The following FOXP1 variants were observed in gnomAD, a reference collection of about 807,000 sequenced individuals.
The protein encoded by FOXP1 is forkhead box P1, also known as forkhead box protein P1.
In FOXP1, 15 loss-of-function variants were observed where a neutral mutation model predicts 98.2. The ratio of observed to expected loss-of-function variants is 0.15; its 90% CI spans 0.10 to 0.24. The LOEUF (loss-of-function observed/expected upper bound fraction) is 0.24, where lower values mean the gene tolerates loss of function less well. FOXP1 is among the 10% of genes least tolerant of loss of function. FOXP1 has a pLI of 1.00. For missense variants in FOXP1, 633 were observed against 848.5 expected, an observed-to-expected ratio of 0.75 and a Z score of 3.15; for synonymous variants, 371 against 314.5, an observed-to-expected ratio of 1.18 and a Z score of -1.90.
At chr3:71,511,191 G>A (rs982794719) in intron 2 of FOXP1, among the ~76,000 whole-genome samples, 1 of 152,080 alleles carries the variant, frequency 6.6e-6, no homozygotes, top group African/African-American at 2.4e-5. Flanking sequence ...GAGCACTCTG[G>A]CTTAAAGGCT....
At chr3:71,537,604 AAC>A (rs1474254061) in intron 2 of FOXP1, among the ~76,000 whole-genome samples, 1 of 152,200 alleles carries the variant, frequency 6.6e-6, no homozygotes, top group African/African-American at 2.4e-5. Flanking sequence ...TCTGGAACTC[AAC>A]AGAGTCAAGG....
intron 6 of FOXP1, among the ~76,000 whole-genome samples, chr3:71,121,780 A>C (rs2058794038): frequency 6.6e-6 from 1 of 152,234 alleles, no homozygotes; most frequent in Non-Finnish European, 1.5e-5. Context: ...TAAAATGTTA[A>C]GTTGGATGCT....
At chr3:71,039,583 T>G (rs890783844) in intron 11 of FOXP1, among the ~76,000 whole-genome samples, 1 of 152,160 alleles carries the variant, frequency 6.6e-6, no homozygotes. Context: ...ATACCTTAAG[T>G]GCATCAGTCG....
chr3:71,503,344 T>C (rs1038886005), intron 2 of FOXP1, among the ~76,000 whole-genome samples: 5 of 152,086 alleles, frequency 3.3e-5, no homozygotes, highest in Admixed American at 1.3e-4. Context: ...CTAAAATAAA[T>C]AAAGCCCCCA....
chr3:71,406,240 C>T (rs867726629), intron 3 of FOXP1, among the ~76,000 whole-genome samples: 10 of 151,858 alleles, frequency 6.6e-5, no homozygotes, highest in Non-Finnish European at 1.2e-4. Flanking sequence ...CAGATGGGCC[C>T]CAACGGGCTG....
chr3:71,470,719 C>G (rs1442850016), intron 3 of FOXP1, among the ~76,000 whole-genome samples: 1 of 152,120 alleles, frequency 6.6e-6, no homozygotes, highest in African/African-American at 2.4e-5. Flanking sequence ...GCCTGGGCAA[C>G]AGAGCAACAC....
intron 3 of FOXP1, among the ~76,000 whole-genome samples, chr3:71,368,991 C>T (rs1175675329): frequency 6.6e-6 from 1 of 152,166 alleles, no homozygotes; most frequent in African/African-American, 2.4e-5. Flanking sequence ...CAAAGAAATA[C>T]TTATTTCTGC....
At chr3:70,981,282 A>C (rs1338415485) in intron 14 of FOXP1, among the ~76,000 whole-genome samples, 1 of 151,548 alleles carries the variant, frequency 6.6e-6, no homozygotes, top group East Asian at 1.9e-4. Context: ...ATGAAGGTAG[A>C]ATTTTCTGGA....
chr3:71,495,894 A>T (rs2091372882), intron 2 of FOXP1, among the ~76,000 whole-genome samples: 1 of 152,218 alleles, frequency 6.6e-6, no homozygotes, highest in Non-Finnish European at 1.5e-5. Context: ...AATGCAAATG[A>T]GCGAGGAAGG....
At chr3:70,999,182 C>T (rs1017425504) in intron 13 of FOXP1, among the ~76,000 whole-genome samples, 6 of 152,036 alleles carry the variant, frequency 3.9e-5, no homozygotes, top group South Asian at 4.1e-4. Flanking sequence ...CTCTACCTCC[C>T]GGGTTCAAGC....
intron 5 of FOXP1, among the ~76,000 whole-genome samples, chr3:71,216,011 G>A (rs569807319): frequency 1.9e-4 from 29 of 152,326 alleles, no homozygotes; most frequent in Admixed American, 2.6e-4. Flanking sequence ...TTAGCATCCT[G>A]CACCTTATAC....
chr3:71,371,641 C>T (rs542948606), intron 3 of FOXP1, among the ~76,000 whole-genome samples: 14 of 152,280 alleles, frequency 9.2e-5, no homozygotes, highest in African/African-American at 2.6e-4. Flanking sequence ...TAAAAAATTA[C>T]GCAGGCATGG....
intron 4 of FOXP1, among the ~76,000 whole-genome samples, chr3:71,336,522 A>G (rs2076693699): frequency 6.6e-6 from 1 of 152,256 alleles, no homozygotes; most frequent in South Asian, 2.1e-4. Context: ...TACTTTCAGA[A>G]AAGGAGAGCG....
intron 7 of FOXP1, among the ~76,000 whole-genome samples, chr3:71,100,812 A>T (rs1194754653): frequency 6.6e-6 from 1 of 152,214 alleles, no homozygotes; most frequent in East Asian, 1.9e-4. Context: ...CTCCCCAGTC[A>T]GAAGGCTATA....
chr3:71,078,872 CA>C (rs2054106802), intron 7 of FOXP1, among the ~76,000 whole-genome samples: 1 of 152,120 alleles, frequency 6.6e-6, no homozygotes, highest in South Asian at 2.1e-4. Context: ...CTTGGAAGCA[CA>C]AGAGCTAGTG....
At chr3:71,040,640 C>A (rs142780986) in intron 11 of FOXP1, among the ~76,000 whole-genome samples, 1 of 152,208 alleles carries the variant, frequency 6.6e-6, no homozygotes, top group East Asian at 1.9e-4. Context: ...AAGCCCAGGG[C>A]AATTCAAAAA....
chr3:71,238,441 T>G lies in FOXP1; in HGVS notation c.-11-40049A>C, dbSNP rs563084611. Among the ~76,000 whole-genome samples, 128 of 149,860 alleles carry G rather than the reference T, an allele frequency of 8.5e-4. 1 individual carries two copies. Among genetic ancestry groups the G allele is most frequent in the Non-Finnish European group, 1.6e-4 (11 of 67,400 alleles). ...ATGCCTCTAAAGGGGTGTGGGGGGG[T>G]GTGTGTGTGTGTCTACAAGGAAAGG... On this transcript the variant is annotated intron_variant, in intron 5 of 20. Transcript: ENST00000649528.
At chr3:71,116,955 G>A (rs1160580573) in intron 6 of FOXP1, among the ~76,000 whole-genome samples, 2 of 152,188 alleles carry the variant, frequency 1.3e-5, no homozygotes, top group Admixed American at 1.3e-4. Flanking sequence ...ATCCCCTTTG[G>A]AATCTGTGTC....
At chr3:71,566,467 G>C (rs1338185548) in intron 2 of FOXP1, among the ~76,000 whole-genome samples, 1 of 152,146 alleles carries the variant, frequency 6.6e-6, no homozygotes, top group African/African-American at 2.4e-5. Flanking sequence ...TAAAACCCTT[G>C]TGTAGTCTAA....
Sources: gnomAD v4.1 joint callset for allele counts (sites outside exome capture counted in the v4.1 genomes callset) on GRCh38, gnomAD v4.1.1 for gene constraint, MANE v1.5 for transcripts, NCBI Gene and HGNC (gene_info 2026-07-23, HGNC 2026-07-21) for gene names.